Variants in CEP128 observed in about 807,000 individuals in gnomAD.
The protein encoded by CEP128 is centrosomal protein 128.
In CEP128, 132 loss-of-function variants were observed where a neutral mutation model predicts 156.7. The ratio of observed to expected loss-of-function variants is 0.84; its 90% CI spans 0.73 to 0.97. The LOEUF is 0.97. Among genes scored for constraint, CEP128 ranks in the 50% least tolerant of loss-of-function variants. The pLI is 0.00. For synonymous variants in CEP128, 469 were observed against 448.9 expected, an observed-to-expected ratio of 1.04 and a Z score of -0.57; for missense variants, 1,252 against 1,281.9, an observed-to-expected ratio of 0.98 and a Z score of 0.36.
intron 7 of CEP128, among the ~76,000 whole-genome samples, chr14:80,897,924 T>C (rs1889423973): frequency 6.6e-6 from 1 of 152,104 alleles, no homozygotes; most frequent in Non-Finnish European, 1.5e-5. Context: ...ACCACAGGCA[T>C]GTGCCACCAC....
chr14:80,593,084 T>C (rs1479082186), intron 19 of CEP128, among the ~76,000 whole-genome samples: 1 of 152,138 alleles, frequency 6.6e-6, no homozygotes, highest in Non-Finnish European at 1.5e-5. Context: ...CTTTGAAAAC[T>C]GGCACAAGAC....
intron 19 of CEP128, among the ~76,000 whole-genome samples, chr14:80,705,721 G>A (rs1897219705): frequency 6.6e-6 from 1 of 152,124 alleles, no homozygotes; most frequent in South Asian, 2.1e-4. Context: ...GAGCCTTGGG[G>A]CAGCCATCCT....
intron 24 of CEP128, among the ~76,000 whole-genome samples, chr14:80,498,135 T>C (rs1887577025): frequency 6.6e-6 from 1 of 152,194 alleles, no homozygotes; most frequent in South Asian, 2.1e-4. Context: ...AAAAATGATA[T>C]ACCCGTCTGC....
intron 2 of CEP128, among the ~76,000 whole-genome samples, chr14:80,928,090 A>C (rs1885248032): frequency 6.6e-6 from 1 of 152,212 alleles, no homozygotes; most frequent in African/African-American, 2.4e-5. Context: ...TTAAAGTTAC[A>C]TCCTCAAGGT....
intron 3 of CEP128, 124 bp from the exon 4 acceptor site, chr14:80,914,532 T>C (rs2139495754): frequency 7.3e-6 from 5 of 688,126 alleles, no homozygotes; most frequent in Non-Finnish European, 1.0e-5. Context: ...CATGGCTGAG[T>C]TGAATATCAA....
chr14:80,687,986 T>A (rs542226449), intron 19 of CEP128, among the ~76,000 whole-genome samples: 3 of 152,288 alleles, frequency 2.0e-5, no homozygotes, highest in East Asian at 1.9e-4. Context: ...TTTATTTACT[T>A]CTTCTCCTTT....
chr14:80,669,264 A>G (rs569544642), intron 19 of CEP128, among the ~76,000 whole-genome samples: 1 of 152,340 alleles, frequency 6.6e-6, no homozygotes, highest in African/African-American at 2.4e-5. Context: ...CTAGGCAAAG[A>G]ATTCATGACT....
intron 2 of CEP128, among the ~76,000 whole-genome samples, chr14:80,931,594 A>G (rs1299727552): frequency 6.6e-6 from 1 of 152,198 alleles, no homozygotes; most frequent in Non-Finnish European, 1.5e-5. Flanking sequence ...TACAGTCACT[A>G]CTGGCAGCAC....
chr14:80,581,576 C>A (rs915277551), intron 19 of CEP128, among the ~76,000 whole-genome samples: 1 of 152,124 alleles, frequency 6.6e-6, no homozygotes, highest in Non-Finnish European at 1.5e-5. Context: ...GAGTGGTAAG[C>A]AATCTCCTGA....
chr14:80,559,399 T>C (rs1890575166), intron 20 of CEP128, 97 bp from the exon 21 acceptor site: 2 of 936,688 alleles, frequency 2.1e-6, no homozygotes, highest in African/African-American at 1.8e-5. Context: ...CCATCTATTA[T>C]TAATAATTCA....
intron 20 of CEP128, among the ~76,000 whole-genome samples, chr14:80,566,931 T>C (rs917080036): frequency 6.6e-6 from 1 of 151,660 alleles, no homozygotes; most frequent in Non-Finnish European, 1.5e-5. Context: ...CATTTTGACT[T>C]AGGAAGAAAA....
intron 18 of CEP128, among the ~76,000 whole-genome samples, chr14:80,747,118 G>C (rs1229374814): frequency 6.6e-6 from 1 of 151,568 alleles, no homozygotes; most frequent in Non-Finnish European, 1.5e-5. Flanking sequence ...CTGGAAGTCT[G>C]ACATACTGCC....
chr14:80,881,491 ATTTAAAG>A (rs898609813), intron 8 of CEP128, among the ~76,000 whole-genome samples: 7 of 121,260 alleles, frequency 5.8e-5, no homozygotes, highest in Non-Finnish European at 1.3e-4. Flanking sequence ...TCTAGCAAAC[ATTTAAAG>A]AACTAATACT....
At chr14:80,595,713 A>G (rs1486691948) in intron 19 of CEP128, among the ~76,000 whole-genome samples, 1 of 152,218 alleles carries the variant, frequency 6.6e-6, no homozygotes, top group Non-Finnish European at 1.5e-5. Flanking sequence ...CACACTGCTA[A>G]TAAATACATA....
intron 9 of CEP128, among the ~76,000 whole-genome samples, chr14:80,849,861 C>T (rs1886798218): frequency 6.6e-6 from 1 of 151,740 alleles, no homozygotes; most frequent in African/African-American, 2.4e-5. Flanking sequence ...AAGAAAATAA[C>T]AATTAGGAGA....
chr14:80,511,660 GTTTC>G (rs1232119195), intron 23 of CEP128, among the ~76,000 whole-genome samples: 1 of 150,896 alleles, frequency 6.6e-6, no homozygotes, highest in Non-Finnish European at 1.5e-5. Flanking sequence ...CTTGCTTTCT[GTTTC>G]TTTAAGATGC....
intron 19 of CEP128, among the ~76,000 whole-genome samples, chr14:80,704,702 T>A (rs1417299232): frequency 8.1e-6 from 1 of 123,126 alleles, no homozygotes; most frequent in Non-Finnish European, 1.8e-5. Flanking sequence ...AGGATGGTAA[T>A]GATACTGATG....
rs1887829375 is a variant in CEP128, at chr14:80,503,475, T to G, written c.3181+1437A>C. Among the ~76,000 whole-genome samples the G allele has an allele frequency of 3.3e-5, 5 of 152,310 alleles. No individual in the cohort carries two copies. The South Asian group carries it at 1.0e-3, about 32-fold the overall frequency. ...TTTCCATTTAATGTCTTCTAACCAC[T>G]TCCCTCTAGGTGCATTTCTAGAAAG... On this transcript the variant is annotated intron_variant, in intron 24 of 24. Coordinates refer to ENST00000555265, the MANE Select transcript of CEP128 (RefSeq NM_152446.5).
chr14:80,643,506 C>T (rs1465421009), intron 19 of CEP128, among the ~76,000 whole-genome samples: 1 of 152,074 alleles, frequency 6.6e-6, no homozygotes, highest in Non-Finnish European at 1.5e-5. Flanking sequence ...ATCATGAGGT[C>T]AGGAGATCAA....
Sources: allele counts gnomAD v4.1 joint callset (sites outside exome capture counted in the v4.1 genomes callset), GRCh38; gene constraint gnomAD v4.1.1; transcripts MANE v1.5; gene names NCBI Gene and HGNC (gene_info 2026-07-23, HGNC 2026-07-21).